RSPRY1: variants seen among roughly 807,000 people sequenced by gnomAD.
RSPRY1 encodes the protein RING finger and SPRY domain-containing protein 1.
In RSPRY1, 23 loss-of-function variants were observed where a neutral mutation model predicts 73.1. That is an observed-to-expected ratio of 0.31 (90% CI 0.23 to 0.45). RSPRY1 has a LOEUF of 0.45. Among genes scored for constraint, RSPRY1 ranks in the 20% least tolerant of loss-of-function variants. The pLI, the probability that RSPRY1 is intolerant of heterozygous loss-of-function variation, is 1.00. For synonymous variants in RSPRY1, 226 were observed against 251.4 expected (o/e 0.90, Z 0.95); for missense variants, 448 against 698.7 (o/e 0.64, Z 4.05).
intron 13 of RSPRY1, among the ~76,000 whole-genome samples, chr16:57,231,622 A>T (rs1451913956): frequency 6.6e-6 from 1 of 152,234 alleles, no homozygotes; most frequent in South Asian, 2.1e-4. Context: ...GAAAGACGGA[A>T]CACTTTCAAA....
At chr16:57,221,477 G>A (rs560196042) in intron 10 of RSPRY1, 62 bp downstream of exon 10, 1 of 1,503,148 alleles carries the variant, frequency 6.7e-7, no homozygotes, top group East Asian at 2.3e-5. Flanking sequence ...CCCCCTAGTT[G>A]GTGGGTGGAA....
rs189324955 is a variant in RSPRY1 at position 57,207,782 on chromosome 16, C to T, written c.351-276C>T. 448 of 511,956 alleles carry T rather than the reference C, an allele frequency of 8.8e-4. 2 individuals carry two copies. Among genetic ancestry groups the T allele is most frequent in the African/African-American group, 7.3e-3 (380 of 52,196 alleles). The allele number at this position is 511,956 out of a possible 1,614,324, so 31.7% of individuals were successfully genotyped here. ...GAGTAGGCTGTGATCTCCAGTTTTA[C>T]TCCTGTGCTTTTACCCCAGGACACA... On this transcript the variant is annotated intron_variant, in intron 2 of 14. Transcript: ENST00000394420.
Position 57,196,034 on chromosome 16 carries a change from A to AAAAAT in RSPRY1, c.-155-8469_-155-8468insAAATA, listed in dbSNP as rs1555499007. Among the ~76,000 whole-genome samples, 147 of 122,782 alleles carry AAAAAT rather than the reference A, an allele frequency of 1.2e-3. 1 individual carries two copies. The highest frequency in any genetic ancestry group is 4.0e-3 in the African/African-American group (133 of 33,224). The allele number at this position is 122,782 out of a possible 152,430, so 80.5% of individuals were successfully genotyped here. On this transcript the variant is annotated intron_variant, in intron 1 of 14. Coordinates refer to ENST00000394420, the MANE Select transcript of RSPRY1 (RefSeq NM_133368.3). The stretch of plus-strand genomic sequence containing the variant: ...AGACTTCATCTCAAAAAAAAAAAAA[A>AAAAAT]ATATATATATATATATATAGGTATT...
chr16:57,232,974 T>A (rs1194673250), intron 13 of RSPRY1, among the ~76,000 whole-genome samples: 2 of 152,234 alleles, frequency 1.3e-5, no homozygotes, highest in African/African-American at 4.8e-5. Context: ...GCCCTTAACA[T>A]TCCAGTTGTG....
chr16:57,217,122 T>C (rs2074954699), intron 8 of RSPRY1, 87 bp downstream of exon 8: 3 of 1,474,822 alleles, frequency 2.0e-6, no homozygotes, highest in Admixed American at 1.7e-5. Flanking sequence ...CCTTTTGCAA[T>C]GGTAAGTATG....
rs556184220 is a variant in RSPRY1 at position 57,206,031 on chromosome 16, C to G, written c.350+1023C>G. On this transcript the variant is annotated intron_variant, in intron 2 of 14. Transcript: ENST00000394420. ...AAAATTAAGCATAAAACAGAGTGTA[C>G]CTGTGAATACAAACGAATTTTTAGA... 5.3e-5 allele frequency among the ~76,000 whole-genome samples: 8 copies of G among 152,248 alleles called. No individual in the cohort carries two copies. In the South Asian group the frequency reaches 1.0e-3, roughly 20 times the overall value.
chr16:57,204,887 C>T lies in RSPRY1; in HGVS notation c.229C>T (p.Pro77Ser). The change falls in exon 2 of 15, where the codon CCA becomes TCA. Residue 77 changes from proline to serine, a missense_variant. Transcript: ENST00000394420. ...AVPTADTRSQ[P>S]RDPVRPPRRG... ...ACCCACTGCTGACACAAGGAGCCAA[C>T]CACGGGACCCTGTTCGGCCACCAAG... 4 of 1,614,202 alleles carry T rather than the reference C, an allele frequency of 2.5e-6. No individual in the cohort carries two copies. Among genetic ancestry groups the T allele is most frequent in the Non-Finnish European group, 3.4e-6 (4 of 1,180,036 alleles).
chr16:57,228,867 A>AT (rs2075162994), intron 11 of RSPRY1, among the ~76,000 whole-genome samples: 2 of 151,884 alleles, frequency 1.3e-5, no homozygotes, highest in East Asian at 3.9e-4. Flanking sequence ...TAATTTTTGT[A>AT]TTTTTTTGGT....
chr16:57,236,353 A>G lies in RSPRY1; in HGVS notation c.1634+1125A>G, dbSNP rs180692104. 1.1e-4 allele frequency among the ~76,000 whole-genome samples: 16 copies of G among 152,334 alleles called. No individual in the cohort carries two copies. In the East Asian group the frequency reaches 2.7e-3, roughly 26 times the overall value. On this transcript the variant is annotated intron_variant, in intron 14 of 14. Coordinates refer to ENST00000394420, the MANE Select transcript of RSPRY1 (RefSeq NM_133368.3). Reference sequence around the variant, plus strand: ...AGAACTAGGTATCTTAAGTATGATCATAGTCTCCATAGTAGATATATATCC... The same window carrying G: ...AGAACTAGGTATCTTAAGTATGATCGTAGTCTCCATAGTAGATATATATCC...
rs746592167 is a variant in RSPRY1 at position 57,212,985 on chromosome 16, A to G, written c.530A>G (p.Lys177Arg). 8 of 1,614,064 alleles carry G rather than the reference A, an allele frequency of 5.0e-6. No homozygotes were observed. Among genetic ancestry groups the G allele is most frequent in the East Asian group, 4.5e-5 (2 of 44,882 alleles). Residue 177 changes from lysine (K) to arginine (R), a missense_variant, in exon 5 of 15, where the codon AAA becomes AGA. Transcript: ENST00000394420. ...CPLPTKDALQ[K>R]LTEILNLNGE... is the part of the protein sequence containing the mutation. ...TTTTTGTTTTAGGATGCACTCCAGA[A>G]ATTGACTGAAATTCTCAATTTAAAT...
At chr16:57,237,638 C>CA (rs1269751246) in intron 14 of RSPRY1, among the ~76,000 whole-genome samples, 2 of 151,952 alleles carry the variant, frequency 1.3e-5, no homozygotes, top group African/African-American at 4.8e-5. Flanking sequence ...CATAACAATA[C>CA]AAAAAACACA....
intron 1 of RSPRY1, among the ~76,000 whole-genome samples, chr16:57,192,378 TC>T (rs764095809): frequency 1.9e-4 from 29 of 152,198 alleles, no homozygotes; most frequent in Non-Finnish European, 3.8e-4. Context: ...TTGTTTTTCT[TC>T]CCTGTACTGC....
intron 14 of RSPRY1, among the ~76,000 whole-genome samples, chr16:57,238,066 A>G (rs2146406282): frequency 6.6e-6 from 1 of 152,320 alleles, no homozygotes; most frequent in South Asian, 2.1e-4. Context: ...GTTAGAACAT[A>G]TAATTGAAGA....
At chr16:57,187,439 T>A (rs1199302714) in intron 1 of RSPRY1, among the ~76,000 whole-genome samples, 1 of 152,208 alleles carries the variant, frequency 6.6e-6, no homozygotes, top group Non-Finnish European at 1.5e-5. Flanking sequence ...GGGTTAGAAG[T>A]GTCTGTTATC....
chr16:57,198,021 C>T (rs1390690658), intron 1 of RSPRY1, among the ~76,000 whole-genome samples: 6 of 149,600 alleles, frequency 4.0e-5, no homozygotes, highest in Non-Finnish European at 8.9e-5. Context: ...CCACCATGCC[C>T]ATCCTATCAG....
intron 1 of RSPRY1, 84 bp downstream of exon 1, chr16:57,186,535 G>C (rs1346854843): frequency 6.5e-6 from 1 of 153,112 alleles, no homozygotes; most frequent in African/African-American, 2.4e-5. Flanking sequence ...ACGTCTGTGA[G>C]GGAGGGGAAC....
chr16:57,225,971 A>G (rs1167085054), intron 10 of RSPRY1, among the ~76,000 whole-genome samples: 3 of 152,126 alleles, frequency 2.0e-5, no homozygotes, highest in African/African-American at 7.2e-5. Context: ...CCAGCTACTC[A>G]GGAGGCTGAG....
chr16:57,192,293 A>G (rs930919001), intron 1 of RSPRY1, among the ~76,000 whole-genome samples: 1 of 152,200 alleles, frequency 6.6e-6, no homozygotes, highest in South Asian at 2.1e-4. Context: ...AGATTTGTGT[A>G]TATTTGAATA....
Position 57,213,960 on chromosome 16 carries a change from CA to C in RSPRY1, c.702+18del. ...CTACAGTGTCTGGTAAGTGAGACAT[CA>C]AAACTATTTATTCTTAGTCATCTAG... On this transcript the variant is annotated intron_variant, in intron 6 of 14. Coordinates refer to ENST00000394420, the MANE Select transcript of RSPRY1 (RefSeq NM_133368.3). 6.4e-7 allele frequency: 1 copy of C among 1,571,620 alleles called. No homozygotes were observed. Among genetic ancestry groups the C allele is most frequent in the South Asian group, 1.1e-5 (1 of 90,176 alleles).
Sources: gnomAD v4.1 joint callset for allele counts (sites outside exome capture counted in the v4.1 genomes callset) on GRCh38, gnomAD v4.1.1 for gene constraint, MANE v1.5 for transcripts, NCBI Gene and HGNC (gene_info 2026-07-23, HGNC 2026-07-21) for gene names.